Variants in FKBP3 observed in about 807,000 individuals in gnomAD.
The protein encoded by FKBP3 is FKBP prolyl isomerase 3.
Under a neutral mutation model 30.6 loss-of-function variants are expected in FKBP3, and 21 were observed. That is an observed-to-expected ratio of 0.69 (90% CI 0.49 to 0.99). The LOEUF (loss-of-function observed/expected upper bound fraction) is 0.99. Ranked by LOEUF, FKBP3 falls within the 50% of genes least tolerant of loss-of-function variation. The probability of loss-of-function intolerance (pLI) is 0.00; values close to 1 mark genes in which losing one functional copy is unlikely to be tolerated. For synonymous variants in FKBP3, 82 were observed against 91.3 expected, an observed-to-expected ratio of 0.90 and a Z score of 0.58; for missense variants, 283 against 261.6, an observed-to-expected ratio of 1.08 and a Z score of -0.56.
At chr14:45,132,739 CT>C (rs1885247818) in intron 1 of FKBP3, among the ~76,000 whole-genome samples, 1 of 152,008 alleles carries the variant, frequency 6.6e-6, no homozygotes, top group African/African-American at 2.4e-5. Flanking sequence ...CCGACCGAGA[CT>C]ATGCATTTAA....
Position 45,121,597 on chromosome 14 carries a change from A to G in FKBP3, c.342T>C (p.Ser114=). Residue 114 remains serine, a synonymous_variant, in exon 4 of 7, where the codon TCT becomes TCC. Transcript: ENST00000396062. The part of the protein sequence containing the change: ...LDEGPPKYTK[S]VLKKGDKTNF... ...TGGTTTTATCTCCCTTTTTCAGAAC[A>G]GATTTAGTATATTTTGGTGGACCCT... 1 of 1,613,734 alleles carries G rather than the reference A, an allele frequency of 6.2e-7. No individual in the cohort carries two copies. The highest frequency in any genetic ancestry group is 8.5e-7 in the Non-Finnish European group (1 of 1,179,820).
intron 5 of FKBP3, among the ~76,000 whole-genome samples, 182 bp from the exon 6 acceptor site, chr14:45,118,307 G>GA (rs1361337894): frequency 3.3e-5 from 5 of 151,342 alleles, no homozygotes; most frequent in Admixed American, 2.6e-4. Flanking sequence ...TTCTTCAATA[G>GA]AAAAAAAAGG....
intron 1 of FKBP3, among the ~76,000 whole-genome samples, chr14:45,131,622 C>CG (rs1885216224): frequency 1.9e-5 from 2 of 106,982 alleles, no homozygotes. Context: ...GAGCAAGACT[C>CG]TGTCTCAAAA....
chr14:45,134,322 G>A, intron 1 of FKBP3, 27 bp downstream of exon 1: 2 of 1,567,274 alleles, frequency 1.3e-6, no homozygotes, highest in Non-Finnish European at 8.8e-7. Context: ...AGCCGCACCA[G>A]CCCGGCCGCC....
intron 3 of FKBP3, among the ~76,000 whole-genome samples, chr14:45,129,450 A>G (rs1401961359): frequency 1.3e-5 from 2 of 152,234 alleles, no homozygotes; most frequent in South Asian, 2.1e-4. Context: ...AAAGCTAAAA[A>G]TAATCAAAAG....
At chr14:45,131,628 CAAAA>C (rs536298530) in intron 1 of FKBP3, among the ~76,000 whole-genome samples, 2 of 39,496 alleles carry the variant, frequency 5.1e-5, no homozygotes, top group African/African-American at 1.7e-4. Context: ...GACTCTGTCT[CAAAA>C]AAAAAAAAAA....
At chr14:45,131,628 CAAAAAAAA>C (rs536298530) in intron 1 of FKBP3, among the ~76,000 whole-genome samples, 4 of 39,496 alleles carry the variant, frequency 1.0e-4, no homozygotes, top group Non-Finnish European at 2.3e-4. Context: ...GACTCTGTCT[CAAAAAAAA>C]AAAAAAAAAA....
chr14:45,122,624 C>A (rs1353412575), intron 3 of FKBP3, among the ~76,000 whole-genome samples: 4 of 151,922 alleles, frequency 2.6e-5, no homozygotes, highest in Non-Finnish European at 4.4e-5. Flanking sequence ...CTGCCTCAGT[C>A]TCCCGAGTAG....
At position 45,134,471 on chromosome 14, in the gene FKBP3, T is replaced by C. The variant is rs540824148; in HGVS notation, c.-15A>G. The C allele has an allele frequency of 8.2e-6, 13 of 1,591,584 alleles. No homozygotes were observed. Among genetic ancestry groups the C allele is most frequent in the East Asian group, 6.9e-5 (3 of 43,336 alleles). On this transcript the variant is annotated 5_prime_UTR_variant, in exon 1 of 7. Coordinates refer to ENST00000396062, the MANE Select transcript of FKBP3 (RefSeq NM_002013.4). ...GCCGCCGCCATCTTCCCCCGCTGCC[T>C]CCGCTTTACTGAGCCAGCCCGCCGC...
At chr14:45,129,990 ATC>A (rs1885180274) in intron 2 of FKBP3, 89 bp from the exon 3 acceptor site, 1 of 656,608 alleles carries the variant, frequency 1.5e-6, no homozygotes, top group Non-Finnish European at 2.6e-6. Flanking sequence ...TTAAATGAAC[ATC>A]TGCATAATAA....
intron 3 of FKBP3, among the ~76,000 whole-genome samples, chr14:45,124,953 G>A (rs1296059270): frequency 6.6e-6 from 1 of 152,200 alleles, no homozygotes; most frequent in East Asian, 1.9e-4. Flanking sequence ...GTCTCACTCT[G>A]TTGCCCAGGC....
At chr14:45,118,840 G>T (rs1884916675) in intron 5 of FKBP3, among the ~76,000 whole-genome samples, 1 of 152,022 alleles carries the variant, frequency 6.6e-6, no homozygotes, top group African/African-American at 2.4e-5. Context: ...AGTCACGTTG[G>T]CACATAAAAT....
intron 5 of FKBP3, among the ~76,000 whole-genome samples, chr14:45,120,190 AACAATGGGC>A (rs1341245394): frequency 6.6e-6 from 1 of 152,240 alleles, no homozygotes; most frequent in Admixed American, 6.5e-5. Context: ...ATTTAAAACA[AACAATGGGC>A]ACAATGGGCA....
Position 45,118,127 on chromosome 14 carries a change from T to A in FKBP3, c.523-2A>T, listed in dbSNP as rs998741431. 2 of 1,582,284 alleles carry A rather than the reference T, an allele frequency of 1.3e-6. No individual in the cohort carries two copies. The highest frequency in any genetic ancestry group is 1.7e-6 in the Non-Finnish European group (2 of 1,166,740). ...CATAGTCAAGAGAGCTTCATCCCAC[T>A]AAAGGCAAGAACAAAATAAAAACTA... On this transcript the variant is annotated splice_acceptor_variant, in intron 5 of 6. Transcript: ENST00000396062. LOFTEE classifies it high-confidence loss of function.
intron 1 of FKBP3, among the ~76,000 whole-genome samples, chr14:45,133,870 T>C (rs1885286150): frequency 6.6e-6 from 1 of 152,216 alleles, no homozygotes; most frequent in Admixed American, 6.5e-5. Flanking sequence ...CCTACGGATT[T>C]TTTAAAAATC....
intron 6 of FKBP3, 61 bp downstream of exon 6, chr14:45,117,963 TCCTC>T: frequency 8.5e-7 from 1 of 1,178,324 alleles, no homozygotes; most frequent in Non-Finnish European, 1.2e-6. Flanking sequence ...ATCTTTCACA[TCCTC>T]AAAGGTGATC....
chr14:45,124,604 G>C (rs560047742), intron 3 of FKBP3, among the ~76,000 whole-genome samples: 1 of 150,594 alleles, frequency 6.6e-6, no homozygotes, highest in East Asian at 1.9e-4. Context: ...GCTGAGGCTG[G>C]AGTGATCATA....
At chr14:45,127,246 T>C (rs569767777) in intron 3 of FKBP3, among the ~76,000 whole-genome samples, 1 of 151,868 alleles carries the variant, frequency 6.6e-6, no homozygotes, top group East Asian at 2.0e-4. Flanking sequence ...TCCGAGTAGC[T>C]GGGATTACAG....
intron 6 of FKBP3, among the ~76,000 whole-genome samples, chr14:45,116,489 TA>T (rs1566701795): frequency 2.0e-5 from 3 of 149,906 alleles, no homozygotes; most frequent in African/African-American, 7.5e-5. Context: ...ACAAAAAAAA[TA>T]TATATACATA....
Sources: gnomAD v4.1 joint callset for allele counts (sites outside exome capture counted in the v4.1 genomes callset) on GRCh38, gnomAD v4.1.1 for gene constraint, MANE v1.5 for transcripts, NCBI Gene and HGNC (gene_info 2026-07-23, HGNC 2026-07-21) for gene names.